The following GARIN1A variants were observed in gnomAD, a reference collection of about 807,000 sequenced individuals.
GARIN1A encodes the protein golgi associated RAB2 interactor 1A, also known as Golgi-associated RAB2 interactor protein 1A.
chr7:128,698,308 C>G, the GARIN1A span, among the ~76,000 whole-genome samples: 12 of 152,128 alleles, frequency 7.9e-5, no homozygotes, highest in African/African-American at 2.9e-4. Context: ...ACACCCCACA[C>G]TGGGGCTGCT....
chr7:128,700,836 GCA>G, the GARIN1A span, among the ~76,000 whole-genome samples: 1 of 151,686 alleles, frequency 6.6e-6, no homozygotes, highest in East Asian at 1.9e-4. Context: ...ACTAACATGA[GCA>G]CACACACACA....
At chr7:128,672,367 A>G in the GARIN1A span, 2 of 1,585,834 alleles carry the variant, frequency 1.3e-6, no homozygotes, top group Non-Finnish European at 1.7e-6. Context: ...AGCCCCAGAA[A>G]TGTTCCCAAG....
At chr7:128,688,401 A>G in the GARIN1A span, among the ~76,000 whole-genome samples, 1 of 152,224 alleles carries the variant, frequency 6.6e-6, no homozygotes, top group Non-Finnish European at 1.5e-5. Context: ...ACAAAATGAG[A>G]GAAGGATTTA....
At chr7:128,688,787 TC>T in the GARIN1A span, among the ~76,000 whole-genome samples, 163 of 13,736 alleles carry the variant, frequency 0.012, 4 homozygotes, top group Middle Eastern at 0.062. Context: ...CCCCTCCCCC[TC>T]CCCCCTCCCT....
the GARIN1A span, among the ~76,000 whole-genome samples, chr7:128,705,704 G>A: frequency 8.7e-6 from 1 of 114,846 alleles, no homozygotes; most frequent in Non-Finnish European, 1.6e-5. Flanking sequence ...TCACTCTGTC[G>A]CCCAGGCTGG....
At chr7:128,706,026 C>T in the GARIN1A span, among the ~76,000 whole-genome samples, 1 of 151,744 alleles carries the variant, frequency 6.6e-6, no homozygotes, top group African/African-American at 2.4e-5. Context: ...GGAAGAGGTT[C>T]CTCTCTCTCT....
At chr7:128,688,901 C>CTGATT in the GARIN1A span, among the ~76,000 whole-genome samples, 26,235 of 149,442 alleles carry the variant, frequency 0.18, 2,412 homozygotes, top group Middle Eastern at 0.27. Context: ...AACCTCCCTG[C>CTGATT]CTGATTCTCC....
the GARIN1A span, chr7:128,685,656 T>C: frequency 6.6e-6 from 1 of 152,230 alleles, no homozygotes; most frequent in East Asian, 1.9e-4. Context: ...AAGCTGAGCA[T>C]TGTTGGTGCT....
the GARIN1A span, among the ~76,000 whole-genome samples, chr7:128,699,268 C>T: frequency 2.1e-5 from 3 of 142,632 alleles, 1 homozygote; most frequent in Admixed American, 6.8e-5. Context: ...CTGCCCCCCC[C>T]CCCCCACCAC....
chr7:128,678,051 TG>T, the GARIN1A span: 1 of 272,968 alleles, frequency 3.7e-6, no homozygotes, highest in South Asian at 4.0e-5. Context: ...GACAGAGCCA[TG>T]CCCTGTCACC....
the GARIN1A span, chr7:128,690,925 T>C: frequency 6.6e-6 from 1 of 152,178 alleles, no homozygotes; most frequent in East Asian, 1.9e-4. Context: ...ATTGATGGAA[T>C]ACCTGATGTG....
the GARIN1A span, chr7:128,679,994 C>T: frequency 7.5e-7 from 1 of 1,332,038 alleles, no homozygotes; most frequent in Non-Finnish European, 1.0e-6. Context: ...ACTCTCTGAG[C>T]AGACCTAGCC....
At chr7:128,679,940 A>G in the GARIN1A span, 1 of 653,338 alleles carries the variant, frequency 1.5e-6, no homozygotes, top group Non-Finnish European at 2.5e-6. Flanking sequence ...ACTCAACTGT[A>G]ATATCACAAA....
chr7:128,702,576 T>C, the GARIN1A span, among the ~76,000 whole-genome samples: 1 of 151,972 alleles, frequency 6.6e-6, no homozygotes, highest in Non-Finnish European at 1.5e-5. Flanking sequence ...GATGATAAAA[T>C]TGAATCATAA....
the GARIN1A span, among the ~76,000 whole-genome samples, chr7:128,691,926 C>A: frequency 6.6e-6 from 1 of 152,190 alleles, no homozygotes; most frequent in Non-Finnish European, 1.5e-5. Flanking sequence ...AATTGTGTAA[C>A]GTGAGCAGGA....
the GARIN1A span, chr7:128,679,984 A>C: frequency 8.3e-7 from 1 of 1,202,534 alleles, no homozygotes; most frequent in Non-Finnish European, 1.2e-6. Context: ...GAGGCCAAGA[A>C]CTCTCTGAGC....
At chr7:128,672,265 T>G in the GARIN1A span, 1 of 690,256 alleles carries the variant, frequency 1.4e-6, no homozygotes, top group African/African-American at 1.8e-5. Flanking sequence ...CTCCCAGCCC[T>G]GGTGGACAGC....
the GARIN1A span, chr7:128,672,269 G>T: frequency 1.4e-6 from 1 of 718,912 alleles, no homozygotes; most frequent in African/African-American, 1.8e-5. Context: ...CAGCCCTGGT[G>T]GACAGCCCGT....
the GARIN1A span, among the ~76,000 whole-genome samples, chr7:128,672,017 A>G: frequency 6.6e-6 from 1 of 152,128 alleles, no homozygotes; most frequent in African/African-American, 2.4e-5. Context: ...CCTTCCTTGC[A>G]TCTGGCCAGC....
Sources: gnomAD v4.1 joint callset for allele counts (sites outside exome capture counted in the v4.1 genomes callset) on GRCh38, gnomAD v4.1.1 for gene constraint, MANE v1.5 for transcripts, NCBI Gene and HGNC (gene_info 2026-07-23, HGNC 2026-07-21) for gene names.